NELL1: variants seen among roughly 807,000 people sequenced by gnomAD.
The protein encoded by NELL1 is protein kinase C-binding protein NELL1.
A neutral mutation model predicts 107.4 loss-of-function variants in NELL1; 76 were observed. The observed-to-expected ratio is 0.71, with a 90% CI of 0.59 to 0.86. The LOEUF (loss-of-function observed/expected upper bound fraction) is 0.86. NELL1 is among the 40% of genes least tolerant of loss of function. The pLI, the probability that NELL1 is intolerant of heterozygous loss-of-function variation, is 0.00. For missense variants in NELL1, 1,024 were observed against 1,005.5 expected (o/e 1.02, Z -0.25); for synonymous variants, 353 against 341.2 (o/e 1.03, Z -0.38).
At chr11:20,712,209 T>C (rs1855131061) in intron 2 of NELL1, among the ~76,000 whole-genome samples, 1 of 152,182 alleles carries the variant, frequency 6.6e-6, no homozygotes, top group Non-Finnish European at 1.5e-5. Flanking sequence ...GTCTTTGAGC[T>C]CTGAAGATCT....
At chr11:21,087,689 T>C (rs756391539) in intron 12 of NELL1, among the ~76,000 whole-genome samples, 2 of 152,130 alleles carry the variant, frequency 1.3e-5, no homozygotes. Context: ...CCAGGCGAAT[T>C]GTTTCCCTTT....
intron 12 of NELL1, among the ~76,000 whole-genome samples, chr11:21,031,107 A>G (rs1171737242): frequency 6.6e-6 from 1 of 152,188 alleles, no homozygotes; most frequent in Non-Finnish European, 1.5e-5. Context: ...ATATTCTATC[A>G]TTAGCATACT....
chr11:21,297,415 A>G (rs974056734), intron 14 of NELL1, among the ~76,000 whole-genome samples: 3 of 152,096 alleles, frequency 2.0e-5, no homozygotes, highest in Non-Finnish European at 4.4e-5. Flanking sequence ...GATAAGCTTC[A>G]GAAAAAGATG....
chr11:20,721,675 T>C (rs1855391702), intron 2 of NELL1, among the ~76,000 whole-genome samples: 1 of 152,200 alleles, frequency 6.6e-6, no homozygotes, highest in Admixed American at 6.5e-5. Context: ...TGAGCACTGT[T>C]GGTCACAGTC....
intron 2 of NELL1, among the ~76,000 whole-genome samples, chr11:20,781,200 A>C (rs1378218881): frequency 6.6e-6 from 1 of 152,134 alleles, no homozygotes; most frequent in Non-Finnish European, 1.5e-5. Flanking sequence ...ACTTGTTTTT[A>C]GACTGGATAT....
intron 1 of NELL1, chr11:20,674,419 C>A: frequency 8.1e-7 from 1 of 1,229,334 alleles, no homozygotes; most frequent in Non-Finnish European, 1.2e-6. Context: ...CCCGAGTCCT[C>A]ATGAGTCTGG....
chr11:21,493,982 AAAC>A (rs1373514285), intron 15 of NELL1, among the ~76,000 whole-genome samples: 1 of 152,006 alleles, frequency 6.6e-6, no homozygotes, highest in Non-Finnish European at 1.5e-5. Context: ...TTCTCAGCAC[AAAC>A]AACACCCCAA....
At chr11:21,546,527 C>T (rs1165387613) in intron 16 of NELL1, among the ~76,000 whole-genome samples, 1 of 151,856 alleles carries the variant, frequency 6.6e-6, no homozygotes, top group African/African-American at 2.4e-5. Flanking sequence ...GGAGGGTTTT[C>T]CCTGCTACTC....
At chr11:21,380,725 A>G (rs865838097) in intron 15 of NELL1, among the ~76,000 whole-genome samples, 3 of 152,142 alleles carry the variant, frequency 2.0e-5, no homozygotes, top group Middle Eastern at 6.8e-3. Context: ...AAATATCTCC[A>G]GCTGTTTTTA....
intron 15 of NELL1, among the ~76,000 whole-genome samples, chr11:21,377,369 C>T (rs1851504736): frequency 6.6e-6 from 1 of 152,082 alleles, no homozygotes; most frequent in African/African-American, 2.4e-5. Flanking sequence ...ATTTGTTGAA[C>T]CAACTTCACA....
intron 14 of NELL1, among the ~76,000 whole-genome samples, chr11:21,358,088 A>G (rs980133023): frequency 1.2e-4 from 18 of 152,086 alleles, no homozygotes; most frequent in African/African-American, 4.3e-4. Flanking sequence ...TGATGCCTCC[A>G]GATTTGTTCT....
intron 15 of NELL1, among the ~76,000 whole-genome samples, chr11:21,472,652 A>G (rs4617576): frequency 0.89 from 135,619 of 152,028 alleles, 60,582 homozygotes; most frequent in East Asian, 0.98. Context: ...TTAGGGAGCA[A>G]TTCCTAGAAA....
chr11:21,197,120 G>A (rs1344668463), intron 13 of NELL1, among the ~76,000 whole-genome samples: 3 of 150,830 alleles, frequency 2.0e-5, no homozygotes, highest in Admixed American at 1.3e-4. Flanking sequence ...CTTGTGATCC[G>A]CCTGCCTCAG....
At chr11:21,032,210 T>A (rs1385348636) in intron 12 of NELL1, among the ~76,000 whole-genome samples, 2 of 152,048 alleles carry the variant, frequency 1.3e-5, no homozygotes, top group Non-Finnish European at 1.5e-5. Context: ...TTGCCCCTAC[T>A]CCCCCAGGAG....
At chr11:20,673,632 C>G (rs1345540735) in intron 1 of NELL1, among the ~76,000 whole-genome samples, 1 of 152,202 alleles carries the variant, frequency 6.6e-6, no homozygotes, top group African/African-American at 2.4e-5. Context: ...GTTTCTGAAT[C>G]CTAGTCAGGC....
chr11:21,545,028 G>T (rs992891734), intron 16 of NELL1, among the ~76,000 whole-genome samples: 2 of 151,806 alleles, frequency 1.3e-5, no homozygotes, highest in African/African-American at 2.4e-5. Flanking sequence ...TTAAAATGTG[G>T]TCACTAAAAA....
intron 15 of NELL1, among the ~76,000 whole-genome samples, chr11:21,451,185 TAAAAAAAA>T (rs35257979): frequency 9.8e-6 from 1 of 101,632 alleles, no homozygotes; most frequent in African/African-American, 4.2e-5. Flanking sequence ...AGACTCCGTC[TAAAAAAAA>T]AAAAAAAAAG....
At chr11:21,129,492 T>C (rs1487145207) in intron 13 of NELL1, among the ~76,000 whole-genome samples, 6 of 152,130 alleles carry the variant, frequency 3.9e-5, no homozygotes, top group Non-Finnish European at 7.4e-5. Flanking sequence ...GACAATAAAG[T>C]GTGGAAGTAA....
At chr11:20,831,875 G>C (rs1005136848) in intron 3 of NELL1, among the ~76,000 whole-genome samples, 2 of 152,182 alleles carry the variant, frequency 1.3e-5, no homozygotes, top group East Asian at 3.9e-4. Context: ...GTTTCAGATA[G>C]AGCTGCTTTA....
Sources: gnomAD v4.1 joint callset for allele counts (sites outside exome capture counted in the v4.1 genomes callset) on GRCh38, gnomAD v4.1.1 for gene constraint, MANE v1.5 for transcripts, NCBI Gene and HGNC (gene_info 2026-07-23, HGNC 2026-07-21) for gene names.